Variants in SCCPDH observed in about 807,000 individuals in gnomAD.
The protein encoded by SCCPDH is saccharopine dehydrogenase (putative).
SCCPDH carries 34 observed loss-of-function variants against 51.5 expected under a neutral mutation model. The observed-to-expected ratio is 0.66, with a 90% CI of 0.50 to 0.88. SCCPDH has a LOEUF of 0.88. Among genes scored for constraint, SCCPDH ranks in the 40% least tolerant of loss-of-function variants. SCCPDH has a pLI of 0.00. For synonymous variants in SCCPDH, 187 were observed against 191.3 expected (o/e 0.98, Z 0.19); for missense variants, 464 against 527.1 (o/e 0.88, Z 1.17).
chr1:246,757,212 T>C (rs12085823), intron 5 of SCCPDH, among the ~76,000 whole-genome samples: 68,739 of 151,836 alleles, frequency 0.45, 15,729 homozygotes, highest in Admixed American at 0.5. Context: ...GGCATGGTGG[T>C]GGGCACCTGT....
In SCCPDH at chr1:246,745,884, A is replaced by G. The variant is rs546713961; in HGVS notation, c.564+1759A>G. Among the ~76,000 whole-genome samples the G allele has an allele frequency of 4.6e-5, 7 of 151,914 alleles. No individual in the cohort carries two copies. In the South Asian group the frequency reaches 1.2e-3, roughly 27 times the overall value. Reference sequence around the variant, plus strand: ...AGCACTTTGGGAGGCCGAGGCGGGCAGATCACGAGGTCAGGAGATCGAGAC... The same window carrying G: ...AGCACTTTGGGAGGCCGAGGCGGGCGGATCACGAGGTCAGGAGATCGAGAC... On this transcript the variant is annotated intron_variant, in intron 5 of 11. Transcript: ENST00000366510.
intron 3 of SCCPDH, among the ~76,000 whole-genome samples, chr1:246,736,468 A>C (rs576526352): frequency 6.6e-6 from 1 of 152,114 alleles, no homozygotes; most frequent in African/African-American, 2.4e-5. Context: ...TTGGGAGGCC[A>C]AGGCGGGCAG....
chr1:246,760,412 A>T (rs1376137111), intron 9 of SCCPDH, among the ~76,000 whole-genome samples, 185 bp downstream of exon 9: 1 of 152,148 alleles, frequency 6.6e-6, no homozygotes, highest in Admixed American at 6.5e-5. Context: ...TTTACACATC[A>T]GAGAACTGAG....
rs546621001 is a variant in SCCPDH, at chr1:246,727,978, G to A, written c.303+974G>A. ...AAATTGGAAGTTCTTTGGCTTCTGAGTGGAAAAGTAGATAACAAAGGATGA... is the reference window on the plus strand; with the variant it reads ...AAATTGGAAGTTCTTTGGCTTCTGAATGGAAAAGTAGATAACAAAGGATGA... On this transcript the variant is annotated intron_variant, in intron 2 of 11. Coordinates refer to ENST00000366510, the MANE Select transcript of SCCPDH (RefSeq NM_016002.3). Among the ~76,000 whole-genome samples the A allele has an allele frequency of 2.6e-5, 4 of 152,284 alleles. No homozygotes were observed. The South Asian group carries it at 8.3e-4, about 32-fold the overall frequency.
intron 2 of SCCPDH, 91 bp from the exon 3 acceptor site, chr1:246,735,884 C>T (rs1262319755): frequency 2.5e-6 from 2 of 815,346 alleles, no homozygotes; most frequent in Non-Finnish European, 4.1e-6. Context: ...TTCTTGATAA[C>T]TAGGACTGTT....
intron 1 of SCCPDH, among the ~76,000 whole-genome samples, chr1:246,726,206 A>G (rs1340190814): frequency 6.6e-6 from 1 of 152,136 alleles, no homozygotes; most frequent in African/African-American, 2.4e-5. Context: ...ATCACCTACA[A>G]TTGGATCATA....
intron 9 of SCCPDH, among the ~76,000 whole-genome samples, chr1:246,763,060 G>T (rs546552384): frequency 1.9e-4 from 29 of 152,166 alleles, no homozygotes; most frequent in East Asian, 1.4e-3. Flanking sequence ...CTCTAAATCT[G>T]CCCAGTGATG....
chr1:246,739,212 C>T (rs1214033212), intron 3 of SCCPDH, among the ~76,000 whole-genome samples: 1 of 152,146 alleles, frequency 6.6e-6, no homozygotes, highest in African/African-American at 2.4e-5. Context: ...AACACTGCCT[C>T]AGCCAGGTGT....
intron 5 of SCCPDH, among the ~76,000 whole-genome samples, chr1:246,746,776 G>T (rs1668767870): frequency 6.6e-6 from 1 of 152,208 alleles, no homozygotes; most frequent in East Asian, 1.9e-4. Flanking sequence ...GGGAGGCAGA[G>T]GTTGCAGTGA....
intron 9 of SCCPDH, among the ~76,000 whole-genome samples, chr1:246,764,012 C>T (rs188721766): frequency 6.6e-6 from 1 of 152,098 alleles, no homozygotes; most frequent in African/African-American, 2.4e-5. Flanking sequence ...TCTTTATTTC[C>T]TCCCTATTTC....
chr1:246,743,398 T>C (rs1362415575), intron 4 of SCCPDH, among the ~76,000 whole-genome samples: 2 of 151,388 alleles, frequency 1.3e-5, no homozygotes, highest in East Asian at 2.0e-4. Context: ...TCCTGGCCAA[T>C]ATGGTGAAAC....
At chr1:246,747,541 A>G (rs1198834585) in intron 5 of SCCPDH, among the ~76,000 whole-genome samples, 1 of 152,226 alleles carries the variant, frequency 6.6e-6, no homozygotes, top group African/African-American at 2.4e-5. Context: ...ATAGCGCTGA[A>G]ACATAAAATT....
Position 246,759,985 on chromosome 1 carries a change from G to A in SCCPDH, c.842G>A (p.Gly281Glu), listed in dbSNP as rs1558174365. The change falls in exon 8 of 12, where the codon GGA becomes GAA. Residue 281 changes from glycine to glutamate, a missense_variant. Physicochemically the swap from Gly to Glu is moderately conservative, Grantham distance 98. Coordinates refer to ENST00000366510, the MANE Select transcript of SCCPDH (RefSeq NM_016002.3). ...CAGTATGCTGCGTATGTAACTGTGG[G>A]AGGCATCACCTCTGTTATTAAGCTG... ...PVQYAAYVTV[G>E]GITSVIKLMF... 1.5e-5 allele frequency: 25 copies of A among 1,613,394 alleles called. No individual in the cohort carries two copies. Among genetic ancestry groups the A allele is most frequent in the Non-Finnish European group, 2.1e-5 (25 of 1,179,704 alleles).
chr1:246,759,599 G>A (rs1223969555), intron 7 of SCCPDH, among the ~76,000 whole-genome samples: 1 of 152,170 alleles, frequency 6.6e-6, no homozygotes, highest in Non-Finnish European at 1.5e-5. Flanking sequence ...GTTAAAAGGT[G>A]GAGGGCATTT....
intron 2 of SCCPDH, among the ~76,000 whole-genome samples, chr1:246,733,446 A>AT (rs1668523040): frequency 2.7e-5 from 4 of 150,688 alleles, no homozygotes; most frequent in African/African-American, 7.3e-5. Context: ...ATATATATAT[A>AT]ATAAGTATAT....
At chr1:246,740,952 C>T (rs766927147) in intron 4 of SCCPDH, among the ~76,000 whole-genome samples, 1 of 151,982 alleles carries the variant, frequency 6.6e-6, no homozygotes, top group African/African-American at 2.4e-5. Context: ...TGGTGGTGCA[C>T]ACCTGTAGTC....
rs1446687350 is a variant in SCCPDH at position 246,724,619 on chromosome 1, CGGCGG to C, written c.190+14_190+18del. The stretch of plus-strand genomic sequence containing the variant: ...AAGGCGGCCCTGAAGCTGGGTACAG[CGGCGG>C]GGCGGGACGGGGCTGCGCGGGCGGC... On this transcript the variant is annotated splice_region_variant and intron_variant, in intron 1 of 11. Transcript: ENST00000366510. 6.8e-7 allele frequency: 1 copy of C among 1,477,834 alleles called. No homozygotes were observed. Among genetic ancestry groups the C allele is most frequent in the African/African-American group, 1.5e-5 (1 of 67,754 alleles). 91.5% of individuals were successfully genotyped at this position (1,477,834 alleles called of 1,614,324 possible).
chr1:246,741,362 C>G (rs1279736679), intron 4 of SCCPDH, among the ~76,000 whole-genome samples: 1 of 152,012 alleles, frequency 6.6e-6, no homozygotes, highest in Non-Finnish European at 1.5e-5. Flanking sequence ...GGATCTTGCT[C>G]TGCCGTAGCT....
Position 246,724,551 on chromosome 1 carries a change from C to A in SCCPDH, c.129C>A (p.Ala43=), listed in dbSNP as rs377707122. 7.8e-6 allele frequency: 12 copies of A among 1,542,268 alleles called. No homozygotes were observed. In the South Asian group the frequency reaches 1.1e-4, roughly 14 times the overall value. ...DPERSSRLPW[A]VAGRSREKLQ... is the part of the protein sequence containing the mutation. ...AGCGGAGCTCCCGCCTGCCCTGGGC[C>A]GTGGCGGGCCGCTCCCGGGAGAAGC... The change falls in exon 1 of 12, where the codon GCC becomes GCA. Residue 43 remains alanine (A), a synonymous_variant. Transcript: ENST00000366510.
Sources: gnomAD v4.1 joint callset for allele counts (sites outside exome capture counted in the v4.1 genomes callset) on GRCh38, gnomAD v4.1.1 for gene constraint, MANE v1.5 for transcripts, NCBI Gene and HGNC (gene_info 2026-07-23, HGNC 2026-07-21) for gene names.